Variants in LCA5 observed in about 807,000 individuals in gnomAD.
LCA5 encodes lebercilin.
A neutral mutation model predicts 53.0 loss-of-function variants in LCA5; 37 were observed. The ratio of observed to expected loss-of-function variants is 0.70; its 90% CI spans 0.54 to 0.92. The LOEUF is 0.92. Among genes scored for constraint, LCA5 ranks in the 40% least tolerant of loss-of-function variants. LCA5 has a pLI of 0.00. For missense variants in LCA5, 806 were observed against 790.5 expected (o/e 1.02, Z -0.23); for synonymous variants, 303 against 282.9 (o/e 1.07, Z -0.71).
chr6:79,537,749 C>G (rs764319954), upstream of LCA5, among the ~76,000 whole-genome samples: 1 of 152,112 alleles, frequency 6.6e-6, no homozygotes, highest in Non-Finnish European at 1.5e-5. Flanking sequence ...TTGGCGACTG[C>G]GTAATGTAAA....
chr6:79,528,557 T>G (rs1766860658), intron 1 of LCA5, among the ~76,000 whole-genome samples: 1 of 152,166 alleles, frequency 6.6e-6, no homozygotes, highest in Non-Finnish European at 1.5e-5. Flanking sequence ...CAAAAAGATG[T>G]AACAAATTCT....
chr6:79,499,699 TTTA>T (rs1226127372), intron 3 of LCA5, among the ~76,000 whole-genome samples: 2 of 151,792 alleles, frequency 1.3e-5, no homozygotes, highest in Non-Finnish European at 2.9e-5. Context: ...TAAATTTTAT[TTTA>T]TTATTATTAT....
rs903411975 is a variant in LCA5, at chr6:79,486,373, C to T, written c.*631G>A. 6.6e-6 allele frequency: 1 copy of T among 152,188 alleles called. No homozygotes were observed. Among genetic ancestry groups the T allele is most frequent in the Non-Finnish European group, 1.5e-5 (1 of 68,074 alleles). 9.4% of individuals were successfully genotyped at this position (152,188 alleles called of 1,614,324 possible). On this transcript the variant is annotated 3_prime_UTR_variant, in exon 8 of 8. Transcript: ENST00000369846. Reference sequence around the variant, plus strand: ...TTCCGAACTCAACATAATATTCTAACAGAATTGTAGGTAAGTGATTTCAGT... The same window carrying T: ...TTCCGAACTCAACATAATATTCTAATAGAATTGTAGGTAAGTGATTTCAGT...
intron 1 of LCA5, among the ~76,000 whole-genome samples, chr6:79,523,756 G>C (rs972912231): frequency 1.3e-5 from 2 of 152,118 alleles, no homozygotes; most frequent in Non-Finnish European, 2.9e-5. Flanking sequence ...ACTTTCTATG[G>C]CAAAGGGGAA....
intron 3 of LCA5, among the ~76,000 whole-genome samples, chr6:79,503,608 C>T (rs1003059797): frequency 6.6e-6 from 1 of 152,088 alleles, no homozygotes; most frequent in Non-Finnish European, 1.5e-5. Flanking sequence ...TCTTTTTCCA[C>T]TCATATATTA....
intron 5 of LCA5, 124 bp downstream of exon 5, chr6:79,492,427 C>A: frequency 2.1e-6 from 1 of 468,036 alleles, no homozygotes; most frequent in Non-Finnish European, 3.8e-6. Context: ...TAAATTGCAA[C>A]AAATACATTT....
At chr6:79,497,753 T>A (rs749223416) in intron 3 of LCA5, among the ~76,000 whole-genome samples, 1 of 151,990 alleles carries the variant, frequency 6.6e-6, no homozygotes, top group Non-Finnish European at 1.5e-5. Context: ...CGCGGGCAGA[T>A]CATGAGGTCA....
intron 5 of LCA5, 100 bp from the exon 6 acceptor site, chr6:79,491,830 A>C: frequency 1.0e-6 from 1 of 982,942 alleles, no homozygotes; most frequent in South Asian, 1.3e-5. Flanking sequence ...GTGTGTTTGC[A>C]TATACATGTA....
intron 1 of LCA5, among the ~76,000 whole-genome samples, chr6:79,535,418 G>A (rs1414228456): frequency 6.6e-6 from 1 of 152,204 alleles, no homozygotes; most frequent in African/African-American, 2.4e-5. Context: ...TGTTTTGAAA[G>A]TAGTATAACT....
In LCA5 at chr6:79,487,263, C is replaced by G. The variant is rs764235088; in HGVS notation, c.1835G>C (p.Ser612Thr). The G allele has an allele frequency of 6.2e-7, 1 of 1,614,138 alleles. No individual in the cohort carries two copies. The highest frequency in any genetic ancestry group is 8.5e-7 in the Non-Finnish European group (1 of 1,179,970). The change falls in exon 8 of 8, where the codon AGT (serine) becomes ACT (threonine). Residue 612 changes from serine (S) to threonine (T), a missense_variant. Transcript: ENST00000369846. The stretch of plus-strand genomic sequence containing the variant: ...TTTGGAGGAAATGGTGCTGCTACCA[C>G]TGGCACCAAATAACTGTTCCATCAA... The part of the protein sequence containing the change: ...ANLMEQLFGA[S>T]GSSTISSKSS...
chr6:79,519,585 C>T (rs1468150715), intron 1 of LCA5, among the ~76,000 whole-genome samples: 1 of 151,742 alleles, frequency 6.6e-6, no homozygotes, highest in Non-Finnish European at 1.5e-5. Context: ...GGCGTGGTGG[C>T]ACACGCCTGT....
At chr6:79,536,575 T>C (rs1767130046) in intron 1 of LCA5, among the ~76,000 whole-genome samples, 1 of 152,338 alleles carries the variant, frequency 6.6e-6, no homozygotes, top group South Asian at 2.1e-4. Context: ...ACTTTCTTTT[T>C]TCTTTTATTT....
intron 6 of LCA5, among the ~76,000 whole-genome samples, chr6:79,490,607 C>T (rs1054112761): frequency 6.6e-5 from 10 of 152,034 alleles, no homozygotes; most frequent in African/African-American, 2.4e-4. Flanking sequence ...ATGATCTAGT[C>T]TCAATGACAG....
chr6:79,502,100 A>G (rs1770156529), intron 3 of LCA5, among the ~76,000 whole-genome samples: 2 of 152,014 alleles, frequency 1.3e-5, no homozygotes, highest in South Asian at 4.1e-4. Context: ...TCTAACACCT[A>G]CCTCTGTTTA....
intron 1 of LCA5, among the ~76,000 whole-genome samples, chr6:79,533,590 A>C (rs1208702676): frequency 6.6e-6 from 1 of 151,984 alleles, no homozygotes; most frequent in Non-Finnish European, 1.5e-5. Flanking sequence ...CTTTAAAAAA[A>C]AAAAAGTAAA....
Position 79,486,933 on chromosome 6 carries a change from A to G in LCA5, c.*71T>C. 7.9e-7 allele frequency: 1 copy of G among 1,270,908 alleles called. No individual in the cohort carries two copies. The highest frequency in any genetic ancestry group is 1.1e-6 in the Non-Finnish European group (1 of 923,592). The allele number at this position is 1,270,908 out of a possible 1,614,324, so 78.7% of individuals were successfully genotyped here. On this transcript the variant is annotated 3_prime_UTR_variant, in exon 8 of 8. Transcript: ENST00000369846. ...GGACATTTTAGCATTAAAAAGTCTA[A>G]ATGTTTATAATAAATACTGTATTAA...
At chr6:79,534,732 T>C (rs1168418340) in intron 1 of LCA5, among the ~76,000 whole-genome samples, 1 of 152,058 alleles carries the variant, frequency 6.6e-6, no homozygotes, top group East Asian at 1.9e-4. Context: ...ATTTCATGGA[T>C]GTGTGTGTTT....
intron 3 of LCA5, among the ~76,000 whole-genome samples, chr6:79,509,411 G>A (rs1311290932): frequency 6.8e-6 from 1 of 146,056 alleles, no homozygotes; most frequent in Non-Finnish European, 1.5e-5. Flanking sequence ...CCGAGATCAT[G>A]TCACTGCACT....
At chr6:79,495,150 C>T (rs1390818052) in intron 3 of LCA5, among the ~76,000 whole-genome samples, 1 of 152,180 alleles carries the variant, frequency 6.6e-6, no homozygotes, top group Non-Finnish European at 1.5e-5. Flanking sequence ...AGTACAAACC[C>T]TATTGTGAAC....
Sources: gnomAD v4.1 joint callset for allele counts (sites outside exome capture counted in the v4.1 genomes callset) on GRCh38, gnomAD v4.1.1 for gene constraint, MANE v1.5 for transcripts, NCBI Gene and HGNC (gene_info 2026-07-23, HGNC 2026-07-21) for gene names.